DGKH: variants seen among roughly 807,000 people sequenced by gnomAD.
The protein encoded by DGKH is DAG kinase eta.
In DGKH, 90 loss-of-function variants were observed where a neutral mutation model predicts 159.3. That is an observed-to-expected ratio of 0.57 (90% CI 0.48 to 0.67). The LOEUF is 0.67. Ranked by LOEUF, DGKH falls within the 30% of genes least tolerant of loss-of-function variation. The pLI is 0.00. For missense variants in DGKH, 1,181 were observed against 1,506.1 expected, an observed-to-expected ratio of 0.78 and a Z score of 3.57; for synonymous variants, 536 against 553.8, an observed-to-expected ratio of 0.97 and a Z score of 0.45.
intron 29 of DGKH, among the ~76,000 whole-genome samples, chr13:42,248,508 A>G (rs1594272535): frequency 6.8e-6 from 1 of 147,148 alleles, no homozygotes; most frequent in African/African-American, 2.5e-5. Flanking sequence ...TTATAATTAA[A>G]TAATATATAT....
chr13:42,072,922 G>C (rs948655018), intron 1 of DGKH, among the ~76,000 whole-genome samples: 2 of 151,492 alleles, frequency 1.3e-5, no homozygotes, highest in Non-Finnish European at 2.9e-5. Context: ...GATCACCACC[G>C]AATACACTAG....
At chr13:42,124,228 A>G (rs1955127793) in intron 1 of DGKH, among the ~76,000 whole-genome samples, 2 of 152,152 alleles carry the variant, frequency 1.3e-5, no homozygotes, top group Non-Finnish European at 2.9e-5. Context: ...TCACATAATA[A>G]ATCTGAATAT....
Position 42,081,231 on chromosome 13 carries a change from C to CT in DGKH, c.192+32267dup, listed in dbSNP as rs766851373. Among the ~76,000 whole-genome samples, 586 of 149,576 alleles carry CT rather than the reference C, an allele frequency of 3.9e-3. 14 individuals are homozygous for CT. The highest frequency in any genetic ancestry group is 1.3e-3 in the Non-Finnish European group (86 of 67,792). Reference sequence around the variant, plus strand: ...TGCTACTAAGAAAAATCTTTCTCTCCTATTTTTTTTTTCCTGGAGATGTGT... The same window carrying CT: ...TGCTACTAAGAAAAATCTTTCTCTCCTTATTTTTTTTTTCCTGGAGATGTGT... On this transcript the variant is annotated intron_variant, in intron 1 of 29. Transcript: ENST00000337343.
intron 21 of DGKH, among the ~76,000 whole-genome samples, chr13:42,208,523 G>T (rs1261199389): frequency 6.6e-6 from 1 of 151,910 alleles, no homozygotes; most frequent in African/African-American, 2.4e-5. Flanking sequence ...ATCATAATTT[G>T]CATCTTCATT....
intron 1 of DGKH, among the ~76,000 whole-genome samples, chr13:42,072,697 T>C (rs1006920918): frequency 2.6e-5 from 4 of 152,216 alleles, no homozygotes; most frequent in African/African-American, 9.6e-5. Context: ...TGGAGTTCTG[T>C]TTATAATTAA....
chr13:42,142,799 G>T (rs919209973), intron 3 of DGKH, among the ~76,000 whole-genome samples: 5 of 152,152 alleles, frequency 3.3e-5, no homozygotes, highest in African/African-American at 1.2e-4. Flanking sequence ...ATTTTGGGCT[G>T]AGACGATGGG....
chr13:42,136,182 C>T (rs1162733259), intron 3 of DGKH, among the ~76,000 whole-genome samples: 5 of 152,242 alleles, frequency 3.3e-5, no homozygotes, highest in African/African-American at 4.8e-5. Flanking sequence ...GTTATTCTCC[C>T]GAGTTTATCA....
intron 3 of DGKH, among the ~76,000 whole-genome samples, chr13:42,135,507 A>AAAAAAAAAAAAAAGAG (rs71096557): frequency 1.8e-5 from 2 of 113,404 alleles, no homozygotes; most frequent in Non-Finnish European, 3.9e-5. Flanking sequence ...AAAAAAAAAA[A>AAAAAAAAAAAAAAGAG]AGAGAGAGAG....
chr13:42,193,764 T>C (rs10492437), intron 16 of DGKH, among the ~76,000 whole-genome samples: 1 of 152,134 alleles, frequency 6.6e-6, no homozygotes, highest in Non-Finnish European at 1.5e-5. Context: ...GGGACTGTTT[T>C]TGAATGAGAC....
In DGKH at chr13:42,173,148, T is replaced by C. The variant is rs115801464; in HGVS notation, c.1368-912T>C. 6.5e-3 allele frequency among the ~76,000 whole-genome samples: 982 copies of C among 152,246 alleles called. 12 individuals carry two copies. Among genetic ancestry groups the C allele is most frequent in the African/African-American group, 0.023 (941 of 41,532 alleles). ...CACCATGCCAGGCTATTTTTAATTT[T>C]TTTGTAGAGACAAGGTTTCACCATG... On this transcript the variant is annotated intron_variant, in intron 11 of 29. Coordinates refer to ENST00000337343, the MANE Select transcript of DGKH (RefSeq NM_178009.5).
intron 2 of DGKH, among the ~76,000 whole-genome samples, chr13:42,129,178 G>C (rs1378667671): frequency 1.3e-5 from 2 of 152,172 alleles, no homozygotes; most frequent in Admixed American, 1.3e-4. Context: ...TGCAAACCTG[G>C]AAACAATGAT....
intron 17 of DGKH, among the ~76,000 whole-genome samples, chr13:42,197,711 A>T (rs1025320509): frequency 6.6e-6 from 1 of 151,278 alleles, no homozygotes; most frequent in African/African-American, 2.4e-5. Context: ...ACTCATCTCT[A>T]AAAAAAAATA....
Position 42,189,033 on chromosome 13 carries a change from C to T in DGKH, c.1639-3C>T, listed in dbSNP as rs770501783. 1 of 1,608,986 alleles carries T rather than the reference C, an allele frequency of 6.2e-7. No individual in the cohort carries two copies. The highest frequency in any genetic ancestry group is 1.1e-5 in the South Asian group (1 of 90,714). On this transcript the variant is annotated splice_polypyrimidine_tract_variant and splice_region_variant and intron_variant, in intron 14 of 29. Coordinates refer to ENST00000337343, the MANE Select transcript of DGKH (RefSeq NM_178009.5). ...TTTTCTCATTGCCATATTTTCCTCT[C>T]AGTGTTCAGTCCTAAACGAGAAGCT... is the stretch of plus-strand genomic sequence containing the variant.
intron 1 of DGKH, among the ~76,000 whole-genome samples, chr13:42,054,516 A>C (rs955675280): frequency 6.6e-6 from 1 of 152,218 alleles, no homozygotes; most frequent in Admixed American, 6.5e-5. Context: ...GATAGTAAAT[A>C]GTTTAAATTC....
In DGKH at chr13:42,121,536, C is replaced by T. The variant is rs115316117; in HGVS notation, c.193-5927C>T. Among the ~76,000 whole-genome samples the T allele has an allele frequency of 7.7e-3, 1,167 of 152,292 alleles. 15 individuals are homozygous for T. Among genetic ancestry groups the T allele is most frequent in the African/African-American group, 0.025 (1,052 of 41,560 alleles). On this transcript the variant is annotated intron_variant, in intron 1 of 29. Transcript: ENST00000337343. Reference sequence around the variant, plus strand: ...ACAAAGACAAATGAGATAGACCTCCCGGACTCCAAGGAGTTTATAATCCAG... The same window carrying T: ...ACAAAGACAAATGAGATAGACCTCCTGGACTCCAAGGAGTTTATAATCCAG...
chr13:42,225,340 G>A, intron 29 of DGKH: 2 of 1,579,752 alleles, frequency 1.3e-6, no homozygotes, highest in African/African-American at 1.4e-5. Context: ...AACATATGGT[G>A]AGAGTTTTTT....
In DGKH at chr13:42,201,301, C is replaced by G. The variant is rs79352848; in HGVS notation, c.2493+1392C>G. ...CCACCGTGCCCAGTTTGGCCACACCCAAGGACACATAGGAAGTTGTTTTTA... is the reference window on the plus strand; with the variant it reads ...CCACCGTGCCCAGTTTGGCCACACCGAAGGACACATAGGAAGTTGTTTTTA... On this transcript the variant is annotated intron_variant, in intron 20 of 29. Coordinates refer to ENST00000337343, the MANE Select transcript of DGKH (RefSeq NM_178009.5). Among the ~76,000 whole-genome samples, 587 of 152,188 alleles carry G rather than the reference C, an allele frequency of 3.9e-3. 3 individuals are homozygous for G. Among genetic ancestry groups the G allele is most frequent in the African/African-American group, 0.013 (557 of 41,538 alleles).
rs753372667 is a variant in DGKH at position 42,155,748 on chromosome 13, G to T, written c.571G>T (p.Val191Leu). The change falls in exon 5 of 30, where the codon GTG (valine) becomes TTG (leucine). Residue 191 changes from valine (V) to leucine (L), a missense_variant. Around this residue, in one of 5 missense-constraint regions of DGKH, gnomAD observed 369 missense variants for 519.4 expected, o/e 0.71. Coordinates refer to ENST00000337343, the MANE Select transcript of DGKH (RefSeq NM_178009.5). The part of the protein sequence containing the change: ...CSHARPTFCN[V>L]CRESLSGVTS... ...CCACGCCCGACCCACCTTCTGTAAC[G>T]TGTGCAGAGAGAGTCTTTCTGGAGT... The T allele has an allele frequency of 6.2e-7, 1 of 1,614,042 alleles. No homozygotes were observed. Among genetic ancestry groups the T allele is most frequent in the Admixed American group, 1.7e-5 (1 of 60,008 alleles).
At chr13:42,199,233 C>T (rs1566183662) in intron 18 of DGKH, among the ~76,000 whole-genome samples, 1 of 152,040 alleles carries the variant, frequency 6.6e-6, no homozygotes. Context: ...AGAATTGGCA[C>T]CTGACTGTAA....
Sources: gnomAD v4.1 joint callset for allele counts (sites outside exome capture counted in the v4.1 genomes callset) on GRCh38, gnomAD v4.1.1 for gene constraint, gnomAD v4.1.1 regional missense constraint, MANE v1.5 for transcripts, NCBI Gene and HGNC (gene_info 2026-07-23, HGNC 2026-07-21) for gene names.